Variants in SZT2 observed in about 807,000 individuals in gnomAD.
SZT2 encodes KICSTOR complex protein SZT2.
A neutral mutation model predicts 404.2 loss-of-function variants in SZT2; 216 were observed. The ratio of observed to expected loss-of-function variants is 0.53; its 90% confidence interval spans 0.48 to 0.60. The LOEUF is 0.60. Ranked by LOEUF, SZT2 falls within the 20% of genes least tolerant of loss-of-function variation. The pLI, the probability that SZT2 is intolerant of heterozygous loss-of-function variation, is 0.00. For synonymous variants in SZT2, 1,693 were observed against 1,749.9 expected, an observed-to-expected ratio of 0.97 and a Z score of 0.81; for missense variants, 3,857 against 4,459.2, an observed-to-expected ratio of 0.86 and a Z score of 3.85.
chr1:43,422,323 A>C, intron 12 of SZT2, 98 bp downstream of exon 12: 2 of 1,495,698 alleles, frequency 1.3e-6, no homozygotes, highest in Non-Finnish European at 1.8e-6. Context: ...GCTCTTACCA[A>C]CTGTGGCCAA....
At chr1:43,412,845 AAAAG>A (rs374446382) in intron 4 of SZT2, 28 of 152,352 alleles carry the variant, frequency 1.8e-4, no homozygotes, top group African/African-American at 6.7e-4. Flanking sequence ...TTTATCTTAA[AAAAG>A]ATCTCAATAG....
chr1:43,408,414 C>A (rs1650599658), intron 4 of SZT2, among the ~76,000 whole-genome samples: 1 of 151,852 alleles, frequency 6.6e-6, no homozygotes, highest in Admixed American at 6.6e-5. Context: ...AGGTGCATGC[C>A]ACCATACCTG....
In SZT2 at chr1:43,447,616, T is replaced by G; in HGVS notation, c.9358T>G (p.Ser3120Ala). ...CAACTACGTGGCTGATCACGCCAGCTCTTACCACATGAAGCCATTGCGAAT... is the reference window on the plus strand; with the variant it reads ...CAACTACGTGGCTGATCACGCCAGCGCTTACCACATGAAGCCATTGCGAAT... ...LYNYVADHAS[S>A]YHMKPLRMAR... Residue 3120 changes from serine (S) to alanine (A), a missense_variant, in exon 67 of 72, where the codon TCT (serine) becomes GCT (alanine). By Grantham distance (99) the Ser-to-Ala change is moderately conservative. This residue lies in a region of SZT2 where 717 missense variants were observed against 868.2 expected (regional missense o/e 0.83). Transcript: ENST00000634258. 1.2e-6 allele frequency: 2 copies of G among 1,614,168 alleles called. No homozygotes were observed. The highest frequency in any genetic ancestry group is 2.2e-5 in the South Asian group (2 of 91,080).
At position 43,448,134 on chromosome 1, in the gene SZT2, G is replaced by A; in HGVS notation, c.9619G>A (p.Ala3207Thr). 1 of 1,607,932 alleles carries A rather than the reference G, an allele frequency of 6.2e-7. No individual in the cohort carries two copies. The highest frequency in any genetic ancestry group is 1.3e-5 in the African/African-American group (1 of 74,878). Residue 3207 changes from alanine to threonine, a missense_variant, in exon 69 of 72, where the codon GCT becomes ACT. This residue lies in a region of SZT2 where 717 missense variants were observed against 868.2 expected (regional missense o/e 0.83). Coordinates refer to ENST00000634258, the MANE Select transcript of SZT2 (RefSeq NM_001365999.1). This position sits in a 1 kb window ranked among gnomAD's most constrained non-coding sequence, Gnocchi z 4.2. ...SQRELFPRLT[A>T]DMRRFRKPPR... ...GCGAGAGCTCTTCCCCAGGCTCACT[G>A]CTGACATGCGCCGCTTCCGGAAGCC...
rs772600300 is a variant in SZT2 at position 43,404,523 on chromosome 1, C to G, written c.471C>G (p.Ser157=). 1.2e-6 allele frequency: 2 copies of G among 1,613,744 alleles called. No homozygotes were observed. Among genetic ancestry groups the G allele is most frequent in the South Asian group, 2.2e-5 (2 of 91,002 alleles). Residue 157 remains serine, a synonymous_variant, in exon 4 of 72, where the codon TCC becomes TCG. Transcript: ENST00000634258. ...PEIYVTIQAY[S]SIIGLQSHQV... is the part of the protein sequence containing the mutation. ...TCTATGTAACTATCCAGGCCTACTC[C>G]TCCATCATTGGACTGCAGTCCCACC... is the stretch of plus-strand genomic sequence containing the variant.
Position 43,451,453 on chromosome 1 carries a change from A to C in SZT2, c.*973A>C. The C allele has an allele frequency of 6.2e-7, 1 of 1,614,070 alleles. No individual in the cohort carries two copies. The highest frequency in any genetic ancestry group is 8.5e-7 in the Non-Finnish European group (1 of 1,180,034). Reference sequence around the variant, plus strand: ...AGCCCACGAAGCCTTTGTAGCCTTCATCTTCCAGCAGTTGAAACAGATAGG... The same window carrying C: ...AGCCCACGAAGCCTTTGTAGCCTTCCTCTTCCAGCAGTTGAAACAGATAGG... On this transcript the variant is annotated 3_prime_UTR_variant, in exon 72 of 72. Coordinates refer to ENST00000634258, the MANE Select transcript of SZT2 (RefSeq NM_001365999.1).
At chr1:43,401,786 C>CT (rs886844487) in intron 1 of SZT2, among the ~76,000 whole-genome samples, 6 of 151,478 alleles carry the variant, frequency 4.0e-5, no homozygotes, top group African/African-American at 7.3e-5. Flanking sequence ...GCGCCCAGCC[C>CT]TTTTTTTTTC....
chr1:43,396,821 A>G (rs571307508), intron 1 of SZT2, among the ~76,000 whole-genome samples: 2 of 152,246 alleles, frequency 1.3e-5, no homozygotes, highest in African/African-American at 2.4e-5. Flanking sequence ...AACAATAAAG[A>G]AGAAGATACT....
intron 42 of SZT2, chr1:43,436,028 C>T: frequency 6.6e-6 from 1 of 152,286 alleles, no homozygotes; most frequent in East Asian, 1.9e-4. Context: ...CACAGGACTG[C>T]TTTGGGATTT....
chr1:43,439,070 A>G lies in SZT2; in HGVS notation c.6769A>G (p.Ser2257Gly), dbSNP rs752778549. 52 of 1,614,094 alleles carry G rather than the reference A, an allele frequency of 3.2e-5. No homozygotes were observed. The South Asian group carries it at 5.0e-4, about 16-fold the overall frequency. The change falls in exon 48 of 72, where the codon AGC (serine) becomes GGC (glycine). Residue 2257 changes from serine to glycine, a missense_variant. By Grantham distance (56) the Ser-to-Gly change is moderately conservative. Coordinates refer to ENST00000634258, the MANE Select transcript of SZT2 (RefSeq NM_001365999.1). This position sits in a 1 kb window ranked among gnomAD's most constrained non-coding sequence, Gnocchi z 4.2. ...IFLHSPKYTD[S>G]NSRNHFQHPL... ...CCTGCACTCTCCCAAGTACACAGAT[A>G]GCAACAGCCGGAACCACTTCCAAGT... is the stretch of plus-strand genomic sequence containing the variant.
chr1:43,444,808 TTACACATAGC>T (rs1212821320), intron 62 of SZT2, among the ~76,000 whole-genome samples: 1 of 152,230 alleles, frequency 6.6e-6, no homozygotes, highest in Admixed American at 6.5e-5. Context: ...GCTGTTCACC[TTACACATAGC>T]TACTTTCGTG....
At position 43,432,313 on chromosome 1, in the gene SZT2, A is replaced by G. The variant is rs797046032; in HGVS notation, c.5316A>G (p.Glu1772=). Residue 1772 remains glutamate, a synonymous_variant, in exon 37 of 72, where the codon GAA becomes GAG. Transcript: ENST00000634258. The stretch of plus-strand genomic sequence containing the variant: ...ATCTCCCTGGCCATGTTCTTCTTGA[A>G]GACCCTGACAGTGGCTTCTTCTTTG... ...RLHLPGHVLL[E]DPDSGFFFVA... The G allele has an allele frequency of 2.5e-6, 4 of 1,591,846 alleles. No homozygotes were observed. Among genetic ancestry groups the G allele is most frequent in the Non-Finnish European group, 3.4e-6 (4 of 1,171,212 alleles).
chr1:43,428,541 A>G (rs997710764), intron 28 of SZT2, 55 bp downstream of exon 28: 1 of 1,581,192 alleles, frequency 6.3e-7, no homozygotes, highest in African/African-American at 1.3e-5. Context: ...AGTCCCTATA[A>G]ACAAGGACCT....
rs1261870870 is a variant in SZT2 at position 43,420,019 on chromosome 1, A to C, written c.1090+75A>C. On this transcript the variant is annotated intron_variant, in intron 8 of 71. Transcript: ENST00000634258. The surrounding 1 kb of genome is among the most constrained non-coding windows in gnomAD (Gnocchi z 5.1). ...CCCAGAGATGATGGGGCCCTGGAGG[A>C]CTGAAAGTGTAACTGGGGCTGGCTC... The C allele has an allele frequency of 1.9e-5, 30 of 1,575,426 alleles. No homozygotes were observed. Among genetic ancestry groups the C allele is most frequent in the Non-Finnish European group, 2.6e-5 (30 of 1,163,208 alleles).
At position 43,404,041 on chromosome 1, in the gene SZT2, C is replaced by A. The variant is rs762512445; in HGVS notation, c.327+267C>A. ...CCTGGGCCACATGGCAAAACTCCCT[C>A]TCTATAAAAAATACAAAAATTAGCC... is the stretch of plus-strand genomic sequence containing the variant. On this transcript the variant is annotated intron_variant, in intron 3 of 71. Coordinates refer to ENST00000634258, the MANE Select transcript of SZT2 (RefSeq NM_001365999.1). The A allele has an allele frequency of 7.7e-4, 405 of 526,374 alleles. 1 individual carries two copies. The highest frequency in any genetic ancestry group is 8.9e-4 in the Non-Finnish European group (262 of 295,038). 32.6% of individuals were successfully genotyped at this position (526,374 alleles called of 1,614,324 possible).
rs745771228 is a variant in SZT2, at chr1:43,452,867, A to C, written c.*2387A>C. ...CTTAGCCACATCCAGCTCCAAGCAGACATTCCAGGCCTCCCCATCCCAACA... is the reference window on the plus strand; with the variant it reads ...CTTAGCCACATCCAGCTCCAAGCAGCCATTCCAGGCCTCCCCATCCCAACA... On this transcript the variant is annotated 3_prime_UTR_variant, in exon 72 of 72. Coordinates refer to ENST00000634258, the MANE Select transcript of SZT2 (RefSeq NM_001365999.1). 3 of 1,569,060 alleles carry C rather than the reference A, an allele frequency of 1.9e-6. No individual in the cohort carries two copies. The highest frequency in any genetic ancestry group is 8.6e-7 in the Non-Finnish European group (1 of 1,157,682).
chr1:43,425,725 T>C lies in SZT2; in HGVS notation c.2814+83T>C. On this transcript the variant is annotated intron_variant, in intron 19 of 71. Transcript: ENST00000634258. This position sits in a 1 kb window ranked among gnomAD's most constrained non-coding sequence, Gnocchi z 4.3. ...TTTGGAGTACTGCAGTCTGTGGGCT[T>C]CCTGGTCCCTCTGAATGGCTGGGAC... is the stretch of plus-strand genomic sequence containing the variant. The C allele has an allele frequency of 6.3e-7, 1 of 1,596,470 alleles. No homozygotes were observed. The highest frequency in any genetic ancestry group is 8.6e-7 in the Non-Finnish European group (1 of 1,168,702).
intron 3 of SZT2, chr1:43,404,139 C>T (rs1650011035): frequency 5.7e-6 from 3 of 530,806 alleles, no homozygotes; most frequent in Non-Finnish European, 6.7e-6. Context: ...CCCAGGAGGT[C>T]GAGGCTACAG....
intron 1 of SZT2, among the ~76,000 whole-genome samples, chr1:43,398,342 T>A (rs926282296): frequency 1.3e-5 from 2 of 152,240 alleles, no homozygotes; most frequent in Non-Finnish European, 2.9e-5. Context: ...GAACATCCTA[T>A]GTGCCAGGCA....
Sources: gnomAD v4.1 joint callset for allele counts (sites outside exome capture counted in the v4.1 genomes callset) on GRCh38, gnomAD v4.1.1 for gene constraint, gnomAD v4.1.1 regional missense constraint, Gnocchi (gnomAD v3.1) non-coding constraint, MANE v1.5 for transcripts, NCBI Gene and HGNC (gene_info 2026-07-23, HGNC 2026-07-21) for gene names.